The following ADAMTS6 variants were observed in gnomAD, a reference collection of about 807,000 sequenced individuals.
ADAMTS6 encodes ADAM metallopeptidase with thrombospondin type 1 motif 6.
Under a neutral mutation model 144.3 loss-of-function variants are expected in ADAMTS6, and 23 were observed. The observed-to-expected ratio is 0.16, with a 90% CI of 0.11 to 0.23. ADAMTS6 has a LOEUF of 0.23. ADAMTS6 is among the 10% of genes least tolerant of loss of function. ADAMTS6 has a pLI of 1.00. For synonymous variants in ADAMTS6, 444 were observed against 457.5 expected, an observed-to-expected ratio of 0.97 and a Z score of 0.38; for missense variants, 999 against 1,379.6, an observed-to-expected ratio of 0.72 and a Z score of 4.37.
chr5:65,257,329 ATTCTCAC>A (rs1760772580), intron 14 of ADAMTS6, among the ~76,000 whole-genome samples: 1 of 152,096 alleles, frequency 6.6e-6, no homozygotes, highest in Non-Finnish European at 1.5e-5. Context: ...CATTGAGAAT[ATTCTCAC>A]TTGTCATATC....
At chr5:65,283,091 C>T (rs1420699144) in intron 11 of ADAMTS6, among the ~76,000 whole-genome samples, 1 of 152,012 alleles carries the variant, frequency 6.6e-6, no homozygotes, top group African/African-American at 2.4e-5. Flanking sequence ...TCAACAGCTG[C>T]TTGCAATAAA....
intron 7 of ADAMTS6, among the ~76,000 whole-genome samples, chr5:65,337,701 CTCTT>C (rs1158620888): frequency 3.9e-5 from 6 of 152,132 alleles, no homozygotes; most frequent in South Asian, 4.2e-4. Context: ...ACTTCACACC[CTCTT>C]TCTTTCTTTT....
chr5:65,294,532 G>A (rs1742644436), intron 10 of ADAMTS6, among the ~76,000 whole-genome samples: 2 of 152,030 alleles, frequency 1.3e-5, no homozygotes, highest in South Asian at 4.1e-4. Context: ...CTTAACTAAG[G>A]GTTAAGCAAG....
intron 20 of ADAMTS6, chr5:65,210,648 T>G: frequency 1.6e-6 from 1 of 618,326 alleles, no homozygotes; most frequent in Non-Finnish European, 3.0e-6. Context: ...TCCCTCACAG[T>G]ACCAAACAAT....
chr5:65,428,990 T>G (rs1014827558), intron 7 of ADAMTS6, among the ~76,000 whole-genome samples: 4 of 152,212 alleles, frequency 2.6e-5, no homozygotes, highest in Non-Finnish European at 2.9e-5. Flanking sequence ...CTAGGCACAC[T>G]GAGTATTTTT....
chr5:65,452,254 C>T (rs1165041977), intron 5 of ADAMTS6, 38 bp from the exon 6 acceptor site: 3 of 1,580,210 alleles, frequency 1.9e-6, no homozygotes, highest in Non-Finnish European at 2.6e-6. Context: ...CAAAGTCAGA[C>T]AAAAATTATA....
At chr5:65,390,794 G>A (rs1034470348) in intron 7 of ADAMTS6, among the ~76,000 whole-genome samples, 6 of 152,092 alleles carry the variant, frequency 3.9e-5, no homozygotes, top group African/African-American at 1.4e-4. Context: ...ATAGACACCA[G>A]AGCTAATTAC....
chr5:65,435,378 A>G (rs559514679), intron 7 of ADAMTS6, among the ~76,000 whole-genome samples: 14 of 152,272 alleles, frequency 9.2e-5, no homozygotes, highest in South Asian at 4.1e-4. Context: ...TTTTCAAATA[A>G]TTAAAAGCAA....
intron 15 of ADAMTS6, among the ~76,000 whole-genome samples, chr5:65,232,709 A>T (rs989276616): frequency 6.6e-6 from 1 of 151,932 alleles, no homozygotes; most frequent in African/African-American, 2.4e-5. Flanking sequence ...AAAAAAAAAA[A>T]ACCTCTCATC....
At position 65,436,453 on chromosome 5, in the gene ADAMTS6, C is replaced by T. The variant is rs569058370; in HGVS notation, c.1073+15022G>A. The stretch of plus-strand genomic sequence containing the variant: ...CGTGGAATCATAAAATTAAAAGAAC[C>T]TTGAAAATTAGTCACTGCTCCCACC... On this transcript the variant is annotated intron_variant, in intron 7 of 24. Coordinates refer to ENST00000381055, the MANE Select transcript of ADAMTS6 (RefSeq NM_197941.4). 4.6e-5 allele frequency among the ~76,000 whole-genome samples: 7 copies of T among 152,294 alleles called. No homozygotes were observed. The South Asian group carries it at 1.2e-3, about 27-fold the overall frequency.
chr5:65,198,510 TATC>T (rs1755533862), intron 20 of ADAMTS6: 1 of 167,086 alleles, frequency 6.0e-6, no homozygotes, highest in African/African-American at 2.4e-5. Flanking sequence ...GTGCCTCCGT[TATC>T]ATGTTATGCA....
intron 22 of ADAMTS6, among the ~76,000 whole-genome samples, chr5:65,178,540 C>T (rs542065804): frequency 6.6e-6 from 1 of 152,302 alleles, no homozygotes; most frequent in African/African-American, 2.4e-5. Context: ...CCCTATGTGT[C>T]AGAAAGAGAA....
At chr5:65,456,991 A>ATGT (rs1341113756) in intron 4 of ADAMTS6, among the ~76,000 whole-genome samples, 1 of 152,228 alleles carries the variant, frequency 6.6e-6, no homozygotes, top group Non-Finnish European at 1.5e-5. Flanking sequence ...GTAATAGGCT[A>ATGT]ACTGGTAGTG....
intron 18 of ADAMTS6, among the ~76,000 whole-genome samples, chr5:65,220,094 T>C (rs190964995): frequency 5.6e-4 from 86 of 152,264 alleles, no homozygotes; most frequent in African/African-American, 1.5e-3. Context: ...CAAGTGCACA[T>C]GTGCTAGACT....
rs202160012 is a variant in ADAMTS6 at position 65,402,053 on chromosome 5, C to A, written c.1073+49422G>T. Among the ~76,000 whole-genome samples, 3 of 152,090 alleles carry A rather than the reference C, an allele frequency of 2.0e-5. No individual in the cohort carries two copies. The East Asian group carries it at 5.8e-4, about 29-fold the overall frequency. On this transcript the variant is annotated intron_variant, in intron 7 of 24. Coordinates refer to ENST00000381055, the MANE Select transcript of ADAMTS6 (RefSeq NM_197941.4). ...TCCTTCTGCCTTAGCTATCTACTTC[C>A]GTAATCATATCCAAGACCTTGTCAT...
At chr5:65,305,482 A>G (rs994842214) in intron 9 of ADAMTS6, among the ~76,000 whole-genome samples, 1 of 152,166 alleles carries the variant, frequency 6.6e-6, no homozygotes, top group Admixed American at 6.6e-5. Flanking sequence ...TGTGCCTTGA[A>G]CTAAGTATAG....
intron 15 of ADAMTS6, among the ~76,000 whole-genome samples, chr5:65,232,304 A>G (rs1758310373): frequency 6.6e-6 from 1 of 152,166 alleles, no homozygotes; most frequent in Non-Finnish European, 1.5e-5. Context: ...ATCTCAAGGA[A>G]CTAGAAAAGG....
At chr5:65,237,615 T>A (rs1263321715) in intron 15 of ADAMTS6, among the ~76,000 whole-genome samples, 2 of 152,110 alleles carry the variant, frequency 1.3e-5, no homozygotes, top group African/African-American at 4.8e-5. Context: ...CCAGAATGCA[T>A]CTGATACCAA....
intron 9 of ADAMTS6, 127 bp downstream of exon 9, chr5:65,329,251 C>T: frequency 1.3e-6 from 1 of 742,944 alleles, no homozygotes; most frequent in East Asian, 2.8e-5. Context: ...ACAATAATAA[C>T]ATCATCTATT....
Sources: gnomAD v4.1 joint callset for allele counts (sites outside exome capture counted in the v4.1 genomes callset) on GRCh38, gnomAD v4.1.1 for gene constraint, MANE v1.5 for transcripts, NCBI Gene and HGNC (gene_info 2026-07-23, HGNC 2026-07-21) for gene names.